Variants in MFSD11 observed in about 807,000 individuals in gnomAD.
MFSD11 encodes UNC93-like protein MFSD11.
Under a neutral mutation model 53.5 loss-of-function variants are expected in MFSD11, and 36 were observed. That is an observed-to-expected ratio of 0.67 (90% CI 0.52 to 0.89). The LOEUF is 0.89. Among genes scored for constraint, MFSD11 ranks in the 40% least tolerant of loss-of-function variants. The pLI, the probability that MFSD11 is intolerant of heterozygous loss-of-function variation, is 0.00. For synonymous variants in MFSD11, 186 were observed against 184.9 expected (o/e 1.01, Z -0.05); for missense variants, 530 against 543.9 (o/e 0.97, Z 0.25).
chr17:76,770,229 G>A (rs1267461951), intron 10 of MFSD11, among the ~76,000 whole-genome samples: 2 of 151,644 alleles, frequency 1.3e-5, no homozygotes, highest in Non-Finnish European at 1.5e-5. Context: ...TAGTAGAGAC[G>A]GGGTTTCACC....
At chr17:76,789,191 A>G in the MFSD11 span, among the ~76,000 whole-genome samples, 1 of 150,106 alleles carries the variant, frequency 6.7e-6, no homozygotes, top group East Asian at 1.9e-4. Context: ...AAGGAAGCAA[A>G]GTACACTTGG....
the MFSD11 span, among the ~76,000 whole-genome samples, chr17:76,794,641 C>CA: frequency 0.77 from 50,523 of 65,360 alleles, 20,524 homozygotes; most frequent in Non-Finnish European, 0.85. Flanking sequence ...AACTCTGTCT[C>CA]AAAAAAAAAA....
chr17:76,748,469 C>T (rs1472928979), intron 7 of MFSD11, among the ~76,000 whole-genome samples: 2 of 151,722 alleles, frequency 1.3e-5, no homozygotes, highest in Non-Finnish European at 2.9e-5. Flanking sequence ...AAGAAGATCG[C>T]TTGAGCCCTG....
downstream of MFSD11, among the ~76,000 whole-genome samples, chr17:76,780,694 T>G (rs2082143692): frequency 6.6e-6 from 1 of 152,012 alleles, no homozygotes; most frequent in Non-Finnish European, 1.5e-5. Flanking sequence ...TTTTGTATTT[T>G]CAGTAGAGAC....
intron 8 of MFSD11, among the ~76,000 whole-genome samples, chr17:76,756,861 GAA>G (rs912586788): frequency 4.0e-5 from 4 of 100,616 alleles, no homozygotes; most frequent in Non-Finnish European, 6.2e-5. Flanking sequence ...CTCCATCTCA[GAA>G]AAAAAAAAAA....
At chr17:76,748,560 G>A (rs941622649) in intron 7 of MFSD11, among the ~76,000 whole-genome samples, 8 of 151,760 alleles carry the variant, frequency 5.3e-5, no homozygotes, top group Non-Finnish European at 1.2e-4. Context: ...GGTGGTGCAC[G>A]CCTGTAGTCC....
chr17:76,799,738 T>C, the MFSD11 span, among the ~76,000 whole-genome samples: 1 of 152,052 alleles, frequency 6.6e-6, no homozygotes, highest in African/African-American at 2.4e-5. Context: ...AAAGCATTTC[T>C]CTTCTCCCAC....
At chr17:76,762,397 C>T (rs965695437) in intron 8 of MFSD11, among the ~76,000 whole-genome samples, 2 of 152,166 alleles carry the variant, frequency 1.3e-5, no homozygotes, top group African/African-American at 4.8e-5. Context: ...TTCTGCTTTG[C>T]CAGTTTGGCT....
At chr17:76,799,051 A>G in the MFSD11 span, 1 of 151,804 alleles carries the variant, frequency 6.6e-6, no homozygotes, top group African/African-American at 2.4e-5. Context: ...AAAAAAGAAA[A>G]TATGGAAATG....
intron 7 of MFSD11, among the ~76,000 whole-genome samples, chr17:76,750,351 TTG>T (rs2078947844): frequency 6.6e-6 from 1 of 151,840 alleles, no homozygotes; most frequent in East Asian, 1.9e-4. Context: ...CACTATTTTT[TTG>T]TGTGTTAGTA....
At chr17:76,783,581 G>A (rs184310999), downstream of MFSD11, among the ~76,000 whole-genome samples, 7 of 152,086 alleles carry the variant, frequency 4.6e-5, no homozygotes, top group East Asian at 1.2e-3. Context: ...TTTTTGAGAC[G>A]GAGTTTTGCT....
upstream of MFSD11, chr17:76,737,569 C>A: frequency 4.2e-6 from 1 of 240,582 alleles, no homozygotes; most frequent in Non-Finnish European, 8.1e-6. Context: ...GCCCGCGAAA[C>A]GCTTTTTCCG....
chr17:76,742,659 C>T (rs1283708226), intron 5 of MFSD11, among the ~76,000 whole-genome samples: 8 of 152,172 alleles, frequency 5.3e-5, no homozygotes, highest in East Asian at 1.9e-4. Context: ...CCCACCACCA[C>T]GCCCGGCTAA....
intron 7 of MFSD11, among the ~76,000 whole-genome samples, chr17:76,750,266 A>G (rs1799596): frequency 0.99 from 150,622 of 152,196 alleles, 74,539 homozygotes; most frequent in East Asian, 1. Flanking sequence ...AAATGATGGC[A>G]TCTAAATAGT....
the MFSD11 span, among the ~76,000 whole-genome samples, chr17:76,797,411 A>G: frequency 6.6e-6 from 1 of 152,126 alleles, no homozygotes; most frequent in Non-Finnish European, 1.5e-5. Context: ...TTGCCACGGC[A>G]TTTGTAAACT....
chr17:76,740,842 A>C (rs1338344836), intron 2 of MFSD11, 115 bp from the exon 3 acceptor site: 2 of 651,694 alleles, frequency 3.1e-6, no homozygotes, highest in East Asian at 5.3e-5. Context: ...TTCTGACTAA[A>C]TAATATGAGT....
the MFSD11 span, among the ~76,000 whole-genome samples, chr17:76,795,069 A>G: frequency 2.6e-5 from 4 of 152,104 alleles, no homozygotes; most frequent in East Asian, 7.7e-4. Context: ...TGGATCGAAA[A>G]TATGGGGAAA....
rs535295841 is a variant in MFSD11, at chr17:76,744,204, A to G, written c.497-118A>G. On this transcript the variant is annotated intron_variant, in intron 6 of 12. Transcript: ENST00000685175. ...CCTTTTCCTAGGTTTTTACTGATGC[A>G]TTAAAGTAAAAATGTAACGAGGAAG... 1.7e-5 allele frequency: 17 copies of G among 980,828 alleles called. No homozygotes were observed. The African/African-American group carries it at 2.7e-4, about 16-fold the overall frequency. The allele number at this position is 980,828 out of a possible 1,614,324, so 60.8% of individuals were successfully genotyped here. A position where few individuals can be genotyped will look rare whatever the true frequency, so the allele number is the denominator to read the frequency against.
chr17:76,767,396 T>C lies in MFSD11; in HGVS notation c.693T>C (p.Phe231=). The change falls in exon 9 of 13, where the codon TTT becomes TTC. Residue 231 remains phenylalanine (F), a synonymous_variant. Transcript: ENST00000685175. Reference sequence around the variant, plus strand: ...TTTTTGTGTTTACAGAAAAGTCTTTTAAGTTATGTGTCACCAAGGAGATGC... The same window carrying C: ...TTTTTGTGTTTACAGAAAAGTCTTTCAAGTTATGTGTCACCAAGGAGATGC... ...TKAVDAFKKS[F]KLCVTKEMLL... is the part of the protein sequence containing the mutation. 1.3e-6 allele frequency: 2 copies of C among 1,597,678 alleles called. No individual in the cohort carries two copies. The highest frequency in any genetic ancestry group is 1.7e-6 in the Non-Finnish European group (2 of 1,166,720).
Sources: gnomAD v4.1 joint callset for allele counts (sites outside exome capture counted in the v4.1 genomes callset) on GRCh38, gnomAD v4.1.1 for gene constraint, MANE v1.5 for transcripts, NCBI Gene and HGNC (gene_info 2026-07-23, HGNC 2026-07-21) for gene names.